CACNG7: variants seen among roughly 807,000 people sequenced by gnomAD.
The protein encoded by CACNG7 is voltage-dependent calcium channel gamma-7 subunit.
Under a neutral mutation model 26.3 loss-of-function variants are expected in CACNG7, and 9 were observed. The ratio of observed to expected loss-of-function variants is 0.34; its 90% CI spans 0.21 to 0.60. The LOEUF (loss-of-function observed/expected upper bound fraction) is 0.60, where lower values mean the gene tolerates loss of function less well. Among genes scored for constraint, CACNG7 ranks in the 20% least tolerant of loss-of-function variants. The pLI is 0.81. For synonymous variants in CACNG7, 170 were observed against 157.0 expected (o/e 1.08, Z -0.62); for missense variants, 297 against 380.4 (o/e 0.78, Z 1.82).
At chr19:53,914,396 TC>T in intron 2 of CACNG7, 103 bp from the exon 3 acceptor site, 1 of 861,278 alleles carries the variant, frequency 1.2e-6, no homozygotes, top group Non-Finnish European at 1.9e-6. Flanking sequence ...TAGGCCTTGC[TC>T]CCCCATCCTG....
At chr19:53,921,641 G>T (rs1244915418) in intron 4 of CACNG7, among the ~76,000 whole-genome samples, 1 of 80,026 alleles carries the variant, frequency 1.2e-5, no homozygotes, top group South Asian at 3.9e-4. Flanking sequence ...TCGTCCCCAG[G>T]TCTGGTCATT....
chr19:53,922,504 C>G (rs1310963032), intron 4 of CACNG7, among the ~76,000 whole-genome samples: 1 of 99,044 alleles, frequency 1.0e-5, no homozygotes, highest in Non-Finnish European at 2.0e-5. Flanking sequence ...GGAGTTGTCC[C>G]AGGTCTGGTC....
intron 2 of CACNG7, 58 bp downstream of exon 2, chr19:53,913,085 T>C: frequency 6.7e-7 from 1 of 1,486,820 alleles, no homozygotes; most frequent in Non-Finnish European, 9.2e-7. Context: ...GGTCTGAGAG[T>C]CTTAGCCATA....
chr19:53,926,354 A>G (rs891799213), intron 4 of CACNG7, among the ~76,000 whole-genome samples: 3 of 151,768 alleles, frequency 2.0e-5, no homozygotes, highest in African/African-American at 7.3e-5. Context: ...TGAAAATGCT[A>G]ATCACAGCCT....
In CACNG7 at chr19:53,939,972, TG is replaced by T. The variant is rs1313807059; in HGVS notation, c.425-1495del. On this transcript the variant is annotated intron_variant, in intron 4 of 5. Coordinates refer to ENST00000391767, the MANE Select transcript of CACNG7 (RefSeq NM_031896.5). This position sits in a 1 kb window ranked among gnomAD's most constrained non-coding sequence, Gnocchi z 4.2. ...GGCCATACACAATGAGGGGGTGAGC[TG>T]GGTTTCGTCCATGGACCATGGTTTG... 1.3e-5 allele frequency among the ~76,000 whole-genome samples: 2 copies of T among 152,126 alleles called. No homozygotes were observed. The highest frequency in any genetic ancestry group is 3.8e-4 in the East Asian group (2 of 5,196).
In CACNG7 at chr19:53,909,312, G is replaced by A. The variant is rs905464314; in HGVS notation, c.-235G>A. 3.3e-5 allele frequency: 5 copies of A among 150,334 alleles called. No individual in the cohort carries two copies. The highest frequency in any genetic ancestry group is 9.7e-5 in the African/African-American group (4 of 41,246). The allele number at this position is 150,334 out of a possible 1,614,324, so 9.3% of individuals were successfully genotyped here. On this transcript the variant is annotated 5_prime_UTR_variant, in exon 1 of 6. Transcript: ENST00000391767. The surrounding 1 kb of genome is among the most constrained non-coding windows in gnomAD (Gnocchi z 5.1). ...TGAGCGGCCGCCGGTTCCTGCTCCC[G>A]GCTCCGTCCGCCGAGTGAGGCCGCG...
chr19:53,936,334 G>T (rs1290087541), intron 4 of CACNG7, among the ~76,000 whole-genome samples: 1 of 152,166 alleles, frequency 6.6e-6, no homozygotes, highest in Non-Finnish European at 1.5e-5. Flanking sequence ...GGCAGTATCT[G>T]CCAGGTTCTT....
At chr19:53,923,683 T>TCCTAGGCCTGGTCATTGGTGGAGTTGTC (rs2068989045) in intron 4 of CACNG7, among the ~76,000 whole-genome samples, 1 of 112,874 alleles carries the variant, frequency 8.9e-6, no homozygotes, top group African/African-American at 4.2e-5. Flanking sequence ...GGTGGAGTTG[T>TCCTAGGCCTGGTCATTGGTGGAGTTGTC]CCCAGGCCTG....
intron 4 of CACNG7, among the ~76,000 whole-genome samples, chr19:53,923,512 G>A: frequency 7.8e-6 from 1 of 128,392 alleles, no homozygotes; most frequent in Non-Finnish European, 1.7e-5. Flanking sequence ...GCTGGTCATT[G>A]GTGGAGTTGC....
chr19:53,923,897 T>C (rs2068993319), intron 4 of CACNG7, among the ~76,000 whole-genome samples: 1 of 140,774 alleles, frequency 7.1e-6, no homozygotes, highest in African/African-American at 2.8e-5. Context: ...TTGGTGGAGT[T>C]GCCCCAGGTC....
chr19:53,924,868 C>T (rs1369344449), intron 4 of CACNG7, among the ~76,000 whole-genome samples: 1 of 146,908 alleles, frequency 6.8e-6, no homozygotes, highest in Non-Finnish European at 1.5e-5. Context: ...GTGGACTTGC[C>T]CCAGGCTGGT....
At chr19:53,922,254 GTCC>G (rs2068965540) in intron 4 of CACNG7, among the ~76,000 whole-genome samples, 1 of 63,528 alleles carries the variant, frequency 1.6e-5, no homozygotes, top group African/African-American at 9.1e-5. Context: ...TGGTGGAGTT[GTCC>G]CCAGGTCTGG....
chr19:53,916,487 C>CTTTTTTTTT (rs397706471), intron 4 of CACNG7, among the ~76,000 whole-genome samples: 6 of 95,460 alleles, frequency 6.3e-5, no homozygotes, highest in African/African-American at 1.3e-4. Flanking sequence ...TTCTTTCTTT[C>CTTTTTTTTT]TTTTTTTTTT....
At chr19:53,910,292 A>G (rs2068854246) in intron 1 of CACNG7, among the ~76,000 whole-genome samples, 1 of 142,616 alleles carries the variant, frequency 7.0e-6, no homozygotes, top group Admixed American at 7.6e-5. Flanking sequence ...CTGAGCCGCC[A>G]GGCGGGGGAT....
At chr19:53,918,305 C>T (rs1188825865) in intron 4 of CACNG7, among the ~76,000 whole-genome samples, 3 of 152,178 alleles carry the variant, frequency 2.0e-5, no homozygotes, top group African/African-American at 7.2e-5. Context: ...CATAGGTTCT[C>T]CGATGCAACT....
At chr19:53,936,677 C>T (rs2069107118) in intron 4 of CACNG7, among the ~76,000 whole-genome samples, 2 of 151,516 alleles carry the variant, frequency 1.3e-5, no homozygotes, top group South Asian at 2.1e-4. Flanking sequence ...GGTGGGATCT[C>T]GGCTCACTGC....
intron 4 of CACNG7, among the ~76,000 whole-genome samples, chr19:53,929,100 A>C (rs2069053513): frequency 7.3e-6 from 1 of 137,176 alleles, no homozygotes; most frequent in Admixed American, 7.5e-5. Flanking sequence ...TGACACAGTG[A>C]GACTCCACCT....
At position 53,909,376 on chromosome 19, in the gene CACNG7, G is replaced by A; in HGVS notation, c.-171G>A. On this transcript the variant is annotated 5_prime_UTR_variant, in exon 1 of 6. Transcript: ENST00000391767. This position sits in a 1 kb window ranked among gnomAD's most constrained non-coding sequence, Gnocchi z 5.1. ...GGGGGTGGGAGGCCGGGAGGGGGCC[G>A]GGACGCCGGGCTCCGGGGCGGGGGC... 6.7e-6 allele frequency: 1 copy of A among 149,086 alleles called. No homozygotes were observed. The highest frequency in any genetic ancestry group is 1.5e-5 in the Non-Finnish European group (1 of 66,686). The allele number at this position is 149,086 out of a possible 1,614,324, so 9.2% of individuals were successfully genotyped here.
At chr19:53,923,885 C>G in intron 4 of CACNG7, among the ~76,000 whole-genome samples, 1 of 131,750 alleles carries the variant, frequency 7.6e-6, no homozygotes, top group African/African-American at 3.1e-5. Context: ...CAGGCCTGGT[C>G]ATTGGTGGAG....
Sources: allele counts gnomAD v4.1 joint callset (sites outside exome capture counted in the v4.1 genomes callset), GRCh38; gene constraint gnomAD v4.1.1; non-coding constraint Gnocchi (gnomAD v3.1); transcripts MANE v1.5; gene names NCBI Gene and HGNC (gene_info 2026-07-23, HGNC 2026-07-21).